The following RUNX1 variants were observed in gnomAD, a reference collection of about 807,000 sequenced individuals.
The protein encoded by RUNX1 is RUNX family transcription factor 1.
RUNX1 carries 19 observed loss-of-function variants against 42.8 expected under a neutral mutation model. That is an observed-to-expected ratio of 0.44 (90% CI 0.31 to 0.65). The LOEUF (loss-of-function observed/expected upper bound fraction) is 0.65. RUNX1 is among the 30% of genes least tolerant of loss of function. The pLI, the probability that RUNX1 is intolerant of heterozygous loss-of-function variation, is 0.07. For synonymous variants in RUNX1, 271 were observed against 289.4 expected, an observed-to-expected ratio of 0.94 and a Z score of 0.64; for missense variants, 528 against 672.0, an observed-to-expected ratio of 0.79 and a Z score of 2.37.
chr21:34,999,821 T>G (rs13051552), intron 2 of RUNX1, among the ~76,000 whole-genome samples: 4 of 152,058 alleles, frequency 2.6e-5, no homozygotes, highest in Non-Finnish European at 1.5e-5. Flanking sequence ...GTGTGACTAT[T>G]GCGTCAGACT....
At chr21:34,985,356 C>T (rs2058877495) in intron 2 of RUNX1, among the ~76,000 whole-genome samples, 1 of 152,190 alleles carries the variant, frequency 6.6e-6, no homozygotes, top group African/African-American at 2.4e-5. Flanking sequence ...TCAAAGGGTG[C>T]TTGCTGACTG....
At chr21:35,012,117 C>G (rs1325829181) in intron 2 of RUNX1, among the ~76,000 whole-genome samples, 1 of 152,102 alleles carries the variant, frequency 6.6e-6, no homozygotes, top group African/African-American at 2.4e-5. Flanking sequence ...TAGCTTAATC[C>G]TCCATATCTA....
intron 2 of RUNX1, among the ~76,000 whole-genome samples, chr21:34,948,471 G>A (rs1356880670): frequency 6.6e-6 from 1 of 152,168 alleles, no homozygotes; most frequent in African/African-American, 2.4e-5. Flanking sequence ...CTCAGAAGAG[G>A]TCCAAGGTGC....
intron 7 of RUNX1, among the ~76,000 whole-genome samples, chr21:34,819,494 C>G (rs569053683): frequency 6.6e-6 from 1 of 152,184 alleles, no homozygotes; most frequent in South Asian, 2.1e-4. Flanking sequence ...AGAAGCCACC[C>G]GTCAATGCGG....
At chr21:34,921,782 C>T (rs1311394553) in intron 2 of RUNX1, among the ~76,000 whole-genome samples, 2 of 152,094 alleles carry the variant, frequency 1.3e-5, no homozygotes, top group African/African-American at 4.8e-5. Flanking sequence ...CAGGTGTGCA[C>T]CACCATACCT....
At chr21:35,032,731 A>C (rs894028369) in intron 2 of RUNX1, among the ~76,000 whole-genome samples, 1 of 152,146 alleles carries the variant, frequency 6.6e-6, no homozygotes, top group Non-Finnish European at 1.5e-5. Flanking sequence ...AACCACCTCC[A>C]TGTTGCCTGC....
chr21:34,927,407 T>C (rs2058404069), intron 2 of RUNX1, among the ~76,000 whole-genome samples: 2 of 152,068 alleles, frequency 1.3e-5, no homozygotes, highest in South Asian at 2.1e-4. Flanking sequence ...CGGACTCTTA[T>C]CTATGATGCA....
Position 34,792,039 on chromosome 21 carries a change from C to T in RUNX1, c.*96G>A. ...CCCAGGACGGTGGCCGGGCCCAGGGCCCGGGATCCCGGCGGGCTTGTCGCG... is the reference window on the plus strand; with the variant it reads ...CCCAGGACGGTGGCCGGGCCCAGGGTCCGGGATCCCGGCGGGCTTGTCGCG... On this transcript the variant is annotated 3_prime_UTR_variant, in exon 9 of 9. Transcript: ENST00000675419. The surrounding 1 kb of genome is among the most constrained non-coding windows in gnomAD (Gnocchi z 6.9). The T allele has an allele frequency of 1.3e-6, 1 of 791,068 alleles. No individual in the cohort carries two copies. Among genetic ancestry groups the T allele is most frequent in the Non-Finnish European group, 1.8e-6 (1 of 553,726 alleles). The allele number at this position is 791,068 out of a possible 1,614,324, so 49.0% of individuals were successfully genotyped here.
Position 34,901,957 on chromosome 21 carries a change from T to A in RUNX1, c.59-8994A>T, listed in dbSNP as rs868509805. ...TTCTGGAGTCTGCTTTCTTTTGTAA[T>A]CTGCTTTATTTGAGGCATTTTAGTT... On this transcript the variant is annotated intron_variant, in intron 2 of 8. Transcript: ENST00000675419. The surrounding 1 kb of genome is among the most constrained non-coding windows in gnomAD (Gnocchi z 4.3). Among the ~76,000 whole-genome samples, 3 of 152,332 alleles carry A rather than the reference T, an allele frequency of 2.0e-5. No homozygotes were observed. The highest frequency in any genetic ancestry group is 6.8e-3 in the Middle Eastern group (2 of 294).
At chr21:34,799,956 C>T (rs1347953800) in intron 7 of RUNX1, among the ~76,000 whole-genome samples, 1 of 151,950 alleles carries the variant, frequency 6.6e-6, no homozygotes, top group Non-Finnish European at 1.5e-5. Flanking sequence ...AAAAGTATTC[C>T]ATGGGCTGGT....
chr21:35,024,927 A>C (rs2059224872), intron 2 of RUNX1, among the ~76,000 whole-genome samples: 1 of 152,234 alleles, frequency 6.6e-6, no homozygotes, highest in Admixed American at 6.5e-5. Context: ...GACTGGTGAC[A>C]AATAAGGTGA....
At chr21:34,870,635 T>G (rs1041407590) in intron 5 of RUNX1, among the ~76,000 whole-genome samples, 5 of 152,226 alleles carry the variant, frequency 3.3e-5, no homozygotes, top group Non-Finnish European at 7.4e-5. Context: ...AAAGTCCACG[T>G]GCTGACCACT....
intron 2 of RUNX1, among the ~76,000 whole-genome samples, chr21:35,039,018 T>G (rs1165258072): frequency 6.6e-6 from 1 of 152,170 alleles, no homozygotes; most frequent in Non-Finnish European, 1.5e-5. Context: ...AACATCCAAA[T>G]GACAGCAGGG....
chr21:34,887,928 C>G, intron 3 of RUNX1: 9 of 1,065,644 alleles, frequency 8.4e-6, no homozygotes, highest in Non-Finnish European at 1.0e-5. Flanking sequence ...TTTCAGAGAT[C>G]TTCAGCTAAT....
At chr21:34,837,665 T>G (rs1203472434) in intron 6 of RUNX1, among the ~76,000 whole-genome samples, 3 of 152,204 alleles carry the variant, frequency 2.0e-5, no homozygotes, top group Non-Finnish European at 4.4e-5. Context: ...TCTTTCTCAC[T>G]GAGTACCGGG....
intron 2 of RUNX1, among the ~76,000 whole-genome samples, chr21:34,945,509 C>A (rs1054722424): frequency 2.6e-5 from 4 of 152,194 alleles, no homozygotes; most frequent in Non-Finnish European, 5.9e-5. Flanking sequence ...CCCCAGGAAC[C>A]TGCTTTTTAC....
chr21:34,856,576 C>T (rs955914211), intron 6 of RUNX1: 11 of 398,704 alleles, frequency 2.8e-5, no homozygotes, highest in Non-Finnish European at 4.4e-5. Context: ...TCTGTTAACG[C>T]TTCATCATCA....
At chr21:34,820,636 C>G (rs540533523) in intron 7 of RUNX1, among the ~76,000 whole-genome samples, 1 of 150,170 alleles carries the variant, frequency 6.7e-6, no homozygotes, top group African/African-American at 2.4e-5. Context: ...AAGAGTGAAA[C>G]ACCGTCTCAA....
intron 2 of RUNX1, among the ~76,000 whole-genome samples, chr21:34,961,664 C>T (rs1450003034): frequency 6.6e-5 from 10 of 152,120 alleles, no homozygotes; most frequent in Admixed American, 5.9e-4. Context: ...CGACACCTGG[C>T]CGTAAGTCAG....
Sources: gnomAD v4.1 joint callset for allele counts (sites outside exome capture counted in the v4.1 genomes callset) on GRCh38, gnomAD v4.1.1 for gene constraint, Gnocchi (gnomAD v3.1) non-coding constraint, MANE v1.5 for transcripts, NCBI Gene and HGNC (gene_info 2026-07-23, HGNC 2026-07-21) for gene names.